The following FGD5 variants were observed in gnomAD, a reference collection of about 807,000 sequenced individuals.
The protein encoded by FGD5 is FYVE, RhoGEF and PH domain containing 5, also known as FYVE, RhoGEF and PH domain-containing protein 5.
FGD5 carries 28 observed loss-of-function variants against 133.4 expected under a neutral mutation model. That is an observed-to-expected ratio of 0.21 (90% CI 0.16 to 0.29). The LOEUF (loss-of-function observed/expected upper bound fraction) is 0.29. Ranked by LOEUF, FGD5 falls within the 10% of genes least tolerant of loss-of-function variation. FGD5 has a pLI of 1.00. For missense variants in FGD5, 1,858 were observed against 1,895.2 expected (o/e 0.98, Z 0.36); for synonymous variants, 810 against 776.5 (o/e 1.04, Z -0.72).
chr3:14,864,590 C>T (rs1459786185), intron 2 of FGD5, among the ~76,000 whole-genome samples: 1 of 152,196 alleles, frequency 6.6e-6, no homozygotes, highest in East Asian at 1.9e-4. Flanking sequence ...CTTGGACACC[C>T]TGGGCCTCAG....
upstream of FGD5, among the ~76,000 whole-genome samples, chr3:14,814,781 A>G (rs2036344782): frequency 6.6e-6 from 1 of 152,092 alleles, no homozygotes; most frequent in South Asian, 2.1e-4. Context: ...ACCCGTGCAA[A>G]CTGAAATTCT....
In FGD5 at chr3:14,820,027, A is replaced by C. The variant is rs560770941; in HGVS notation, c.956A>C (p.Glu319Ala). 4 of 1,614,026 alleles carry C rather than the reference A, an allele frequency of 2.5e-6. No individual in the cohort carries two copies. In the South Asian group the frequency reaches 3.3e-5, roughly 13 times the overall value. The change falls in exon 1 of 20, where the codon GAG becomes GCG. Residue 319 changes from glutamate to alanine, a missense_variant. Physicochemically the swap from Glu to Ala is moderately radical, Grantham distance 107 (BLOSUM62 -1). Transcript: ENST00000285046. Reference protein sequence around the residue: ...AATLEDHAQDESAEESCQIVP... With the variant: ...AATLEDHAQDASAEESCQIVP... Reference sequence around the variant, plus strand: ...ACCCTGGAGGACCATGCACAGGATGAGTCCGCCGAGGAGAGCTGCCAGATT... The same window carrying C: ...ACCCTGGAGGACCATGCACAGGATGCGTCCGCCGAGGAGAGCTGCCAGATT...
At chr3:14,823,967 CTG>C (rs1362518420) in intron 1 of FGD5, among the ~76,000 whole-genome samples, 1 of 152,256 alleles carries the variant, frequency 6.6e-6, no homozygotes, top group Non-Finnish European at 1.5e-5. Flanking sequence ...GTGCCAAGCA[CTG>C]TGCTAGGTGC....
In FGD5 at chr3:14,868,543, A is replaced by C. The variant is rs183950790; in HGVS notation, c.2658+4283A>C. On this transcript the variant is annotated intron_variant, in intron 2 of 19. Coordinates refer to ENST00000285046, the MANE Select transcript of FGD5 (RefSeq NM_152536.4). ...CAGTCCCCAGCTGGGGTTAAACACC[A>C]CCATGCACTTTCTCTGTGCTATGGA... Among the ~76,000 whole-genome samples the C allele has an allele frequency of 1.1e-3, 162 of 152,310 alleles. 1 individual carries two copies. Among genetic ancestry groups the C allele is most frequent in the Non-Finnish European group, 1.0e-4 (7 of 68,022 alleles).
intron 1 of FGD5, among the ~76,000 whole-genome samples, chr3:14,843,465 G>A (rs1167526786): frequency 6.6e-6 from 1 of 152,220 alleles, no homozygotes; most frequent in Non-Finnish European, 1.5e-5. Context: ...TCTCAGGGAC[G>A]GCCACTGAGT....
chr3:14,848,583 A>G (rs1317830185), intron 1 of FGD5, among the ~76,000 whole-genome samples: 1 of 152,194 alleles, frequency 6.6e-6, no homozygotes, highest in African/African-American at 2.4e-5. Context: ...AGCTTCCTTA[A>G]GAAGTGTGTG....
At position 14,820,662 on chromosome 3, in the gene FGD5, T is replaced by A; in HGVS notation, c.1591T>A (p.Leu531Met). The A allele has an allele frequency of 6.3e-7, 1 of 1,598,736 alleles. No homozygotes were observed. Among genetic ancestry groups the A allele is most frequent in the South Asian group, 1.1e-5 (1 of 88,386 alleles). Reference sequence around the variant, plus strand: ...GCTTTTGTCATTGGAGGGGAAGCCCTTGGAAGCCAGCAGGGCCTTGCCAGC... The same window carrying A: ...GCTTTTGTCATTGGAGGGGAAGCCCATGGAAGCCAGCAGGGCCTTGCCAGC... ...KTLLSLEGKP[L>M]EASRALPAKP... is the part of the protein sequence containing the mutation. Residue 531 changes from leucine to methionine, a missense_variant, in exon 1 of 20, where the codon TTG becomes ATG. Physicochemically the swap from Leu to Met is conservative, Grantham distance 15 (BLOSUM62 2). This residue lies in a region of FGD5 where 1,824 missense variants were observed against 1,848.9 expected (regional missense o/e 0.99). Coordinates refer to ENST00000285046, the MANE Select transcript of FGD5 (RefSeq NM_152536.4).
intron 1 of FGD5, among the ~76,000 whole-genome samples, chr3:14,827,989 A>T (rs942481911): frequency 2.6e-5 from 4 of 152,102 alleles, no homozygotes; most frequent in Admixed American, 1.3e-4. Context: ...CATGCCCAGG[A>T]GTTTGTGTTT....
intron 10 of FGD5, among the ~76,000 whole-genome samples, chr3:14,908,873 C>T (rs2038389171): frequency 6.6e-6 from 1 of 151,482 alleles, no homozygotes; most frequent in African/African-American, 2.4e-5. Flanking sequence ...GTGCGAGACT[C>T]CCTCCCAAAA....
chr3:14,812,002 G>GTA (rs1491196497), intron 1 of FGD5, among the ~76,000 whole-genome samples: 1 of 65,348 alleles, frequency 1.5e-5, no homozygotes, highest in South Asian at 4.3e-4. Flanking sequence ...TATCCTGCTG[G>GTA]TGTGTGTGTG....
At chr3:14,912,173 G>C (rs1054559538) in intron 11 of FGD5, among the ~76,000 whole-genome samples, 4 of 152,174 alleles carry the variant, frequency 2.6e-5, no homozygotes, top group Admixed American at 2.6e-4. Context: ...GAATTCCAGA[G>C]AGAGCTGGTG....
In FGD5 at chr3:14,821,740, A is replaced by C. The variant is rs533796759; in HGVS notation, c.2525+144A>C. On this transcript the variant is annotated intron_variant, in intron 1 of 19. Coordinates refer to ENST00000285046, the MANE Select transcript of FGD5 (RefSeq NM_152536.4). ...GTTGACTTGGGGTGAGTGGCTTTAT[A>C]TCTCTGAGCCTCGGTTACTTCATCC... The C allele has an allele frequency of 6.0e-5, 69 of 1,153,206 alleles. No individual in the cohort carries two copies. In the African/African-American group the frequency reaches 1.0e-3, roughly 17 times the overall value. 71.4% of individuals were successfully genotyped at this position (1,153,206 alleles called of 1,614,324 possible). A position where few individuals can be genotyped will look rare whatever the true frequency, so the allele number is the denominator to read the frequency against.
At chr3:14,923,842 T>G in intron 16 of FGD5, 166 bp from the exon 17 acceptor site, 2 of 887,252 alleles carry the variant, frequency 2.3e-6, no homozygotes, top group African/African-American at 3.4e-5. Flanking sequence ...CCCCATAGCC[T>G]TTGTCTGTTC....
intron 9 of FGD5, among the ~76,000 whole-genome samples, chr3:14,904,946 G>A (rs1232552097): frequency 6.6e-6 from 1 of 152,040 alleles, no homozygotes; most frequent in Non-Finnish European, 1.5e-5. Context: ...GAGCCACCAT[G>A]GCTGGCCTTT....
At chr3:14,898,279 G>A (rs2307089) in intron 6 of FGD5, among the ~76,000 whole-genome samples, 184 bp downstream of exon 6, 1 of 152,102 alleles carries the variant, frequency 6.6e-6, no homozygotes, top group Non-Finnish European at 1.5e-5. Flanking sequence ...CAGAACATCC[G>A]CTGTTGGGCA....
At chr3:14,857,677 TA>T (rs1366367003) in intron 1 of FGD5, among the ~76,000 whole-genome samples, 1 of 152,100 alleles carries the variant, frequency 6.6e-6, no homozygotes, top group Non-Finnish European at 1.5e-5. Flanking sequence ...GAACCACCCT[TA>T]GTGTCCGCTA....
intron 1 of FGD5, among the ~76,000 whole-genome samples, chr3:14,852,390 C>G (rs2037180667): frequency 6.6e-6 from 1 of 152,188 alleles, no homozygotes; most frequent in Non-Finnish European, 1.5e-5. Context: ...ATAGGCAAAT[C>G]CGTAGAGACG....
intron 1 of FGD5, among the ~76,000 whole-genome samples, chr3:14,825,800 C>T (rs1194207056): frequency 6.6e-6 from 1 of 152,158 alleles, no homozygotes; most frequent in Non-Finnish European, 1.5e-5. Flanking sequence ...GACCAGTAGT[C>T]TTGGCGTGGG....
At chr3:14,825,218 A>G (rs935006622) in intron 1 of FGD5, among the ~76,000 whole-genome samples, 3 of 152,240 alleles carry the variant, frequency 2.0e-5, no homozygotes, top group African/African-American at 7.2e-5. Context: ...TAGTAGCTAT[A>G]GTAATACTGT....
Sources: gnomAD v4.1 joint callset for allele counts (sites outside exome capture counted in the v4.1 genomes callset) on GRCh38, gnomAD v4.1.1 for gene constraint, gnomAD v4.1.1 regional missense constraint, MANE v1.5 for transcripts, NCBI Gene and HGNC (gene_info 2026-07-23, HGNC 2026-07-21) for gene names.